Variants in CALN1 observed in about 807,000 individuals in gnomAD.
CALN1 encodes the protein calcium-binding protein 8.
In CALN1, 17 loss-of-function variants were observed where a neutral mutation model predicts 30.6. That is an observed-to-expected ratio of 0.56 (90% CI 0.38 to 0.83). The LOEUF (loss-of-function observed/expected upper bound fraction) is 0.83. Among genes scored for constraint, CALN1 ranks in the 40% least tolerant of loss-of-function variants. CALN1 has a pLI of 0.00. For synonymous variants in CALN1, 156 were observed against 131.4 expected, an observed-to-expected ratio of 1.19 and a Z score of -1.28; for missense variants, 291 against 354.9, an observed-to-expected ratio of 0.82 and a Z score of 1.45.
intron 5 of CALN1, among the ~76,000 whole-genome samples, chr7:72,001,496 T>G (rs1219587345): frequency 6.6e-6 from 1 of 152,154 alleles, no homozygotes; most frequent in Non-Finnish European, 1.5e-5. Flanking sequence ...CCACTGTGCA[T>G]GTGGACAGCC....
intron 2 of CALN1, among the ~76,000 whole-genome samples, chr7:72,321,979 A>G (rs936251613): frequency 6.6e-6 from 1 of 152,196 alleles, no homozygotes; most frequent in Admixed American, 6.6e-5. Flanking sequence ...GTTTCGTGGA[A>G]GACAGTTTTT....
intron 3 of CALN1, among the ~76,000 whole-genome samples, chr7:72,141,321 C>T (rs971443491): frequency 5.3e-5 from 8 of 151,860 alleles, no homozygotes; most frequent in Non-Finnish European, 8.8e-5. Context: ...AAAAAAAGGC[C>T]AGGTGCAGTG....
At chr7:71,984,820 T>TGTTC (rs1798578826) in intron 5 of CALN1, among the ~76,000 whole-genome samples, 1 of 152,206 alleles carries the variant, frequency 6.6e-6, no homozygotes, top group African/African-American at 2.4e-5. Flanking sequence ...TGACTCTGGC[T>TGTTC]AAGCTTATGT....
At chr7:72,472,087 C>T in the CALN1 span, among the ~76,000 whole-genome samples, 1 of 152,090 alleles carries the variant, frequency 6.6e-6, no homozygotes, top group African/African-American at 2.4e-5. Flanking sequence ...TGAGCCACTG[C>T]GCCCAGCCAA....
chr7:72,122,349 A>C (rs984164852), intron 3 of CALN1, among the ~76,000 whole-genome samples: 9 of 152,162 alleles, frequency 5.9e-5, no homozygotes, highest in African/African-American at 1.4e-4. Context: ...AGTTCCAGAA[A>C]GAAACTAGAG....
intron 2 of CALN1, among the ~76,000 whole-genome samples, chr7:72,302,809 T>G (rs1283522086): frequency 6.8e-6 from 1 of 146,032 alleles, no homozygotes; most frequent in African/African-American, 2.6e-5. Flanking sequence ...GCACGAGAAT[T>G]GCTTGAGCCC....
chr7:72,395,017 G>A (rs866297241), intron 2 of CALN1, among the ~76,000 whole-genome samples: 2 of 152,102 alleles, frequency 1.3e-5, no homozygotes, highest in Admixed American at 6.6e-5. Flanking sequence ...GCACATCTGC[G>A]TATGTGTGTC....
chr7:72,475,966 TGA>T, the CALN1 span, among the ~76,000 whole-genome samples: 1 of 130,324 alleles, frequency 7.7e-6, no homozygotes, highest in Non-Finnish European at 1.6e-5. Context: ...TTTTTTTTTT[TGA>T]GACAGAGTCT....
chr7:72,318,353 C>T (rs1009909552), intron 2 of CALN1, among the ~76,000 whole-genome samples: 2 of 152,200 alleles, frequency 1.3e-5, no homozygotes, highest in Non-Finnish European at 2.9e-5. Flanking sequence ...AGTGTCTCAA[C>T]TATTATCTCC....
intron 5 of CALN1, among the ~76,000 whole-genome samples, chr7:71,927,885 T>TC (rs1562908645): frequency 6.6e-6 from 1 of 152,140 alleles, no homozygotes; most frequent in Non-Finnish European, 1.5e-5. Flanking sequence ...TTCTTGCTCT[T>TC]CCCCCAGTGG....
intron 5 of CALN1, among the ~76,000 whole-genome samples, chr7:71,900,035 A>C (rs1361274303): frequency 6.6e-6 from 1 of 152,232 alleles, no homozygotes; most frequent in Non-Finnish European, 1.5e-5. Flanking sequence ...AACTTGCTAG[A>C]CTTGTCTACT....
chr7:71,905,758 A>G (rs1296565696), intron 5 of CALN1, among the ~76,000 whole-genome samples: 1 of 152,198 alleles, frequency 6.6e-6, no homozygotes, highest in Non-Finnish European at 1.5e-5. Context: ...CATTATAAAA[A>G]AAATCTAGGG....
chr7:72,480,447 G>T, the CALN1 span, among the ~76,000 whole-genome samples: 1 of 152,082 alleles, frequency 6.6e-6, no homozygotes, highest in East Asian at 1.9e-4. Context: ...TATACTTGCG[G>T]GATATTGGAC....
At chr7:72,145,718 C>A (rs1326224592) in intron 3 of CALN1, among the ~76,000 whole-genome samples, 2 of 152,146 alleles carry the variant, frequency 1.3e-5, no homozygotes, top group Non-Finnish European at 1.5e-5. Flanking sequence ...TGCAAAAATC[C>A]TCAATAAAAT....
intron 3 of CALN1, among the ~76,000 whole-genome samples, chr7:72,209,696 T>G (rs906420991): frequency 2.0e-5 from 3 of 152,130 alleles, no homozygotes; most frequent in African/African-American, 7.2e-5. Context: ...ACTTTGGCTA[T>G]CGGGCTCTTT....
chr7:72,380,718 T>TACAC (rs1554394767), intron 2 of CALN1, among the ~76,000 whole-genome samples: 1 of 151,516 alleles, frequency 6.6e-6, no homozygotes, highest in Non-Finnish European at 1.5e-5. Flanking sequence ...GATAGATAGA[T>TACAC]AGATACATAG....
intron 5 of CALN1, among the ~76,000 whole-genome samples, chr7:71,901,800 A>G (rs1356349057): frequency 6.6e-6 from 1 of 152,182 alleles, no homozygotes; most frequent in Non-Finnish European, 1.5e-5. Flanking sequence ...ATAAGACCCA[A>G]AACTATTTAA....
intron 5 of CALN1, among the ~76,000 whole-genome samples, chr7:71,834,040 G>C (rs1354729099): frequency 6.6e-6 from 1 of 151,820 alleles, no homozygotes; most frequent in Non-Finnish European, 1.5e-5. Flanking sequence ...TGGTCAACAT[G>C]GTGAAACCCC....
intron 3 of CALN1, among the ~76,000 whole-genome samples, chr7:72,149,197 G>A (rs375404970): frequency 3.9e-5 from 6 of 152,052 alleles, no homozygotes; most frequent in South Asian, 2.1e-4. Flanking sequence ...CAGGCACAGC[G>A]GCTCGCATCT....
Sources: gnomAD v4.1 joint callset for allele counts (sites outside exome capture counted in the v4.1 genomes callset) on GRCh38, gnomAD v4.1.1 for gene constraint, MANE v1.5 for transcripts, NCBI Gene and HGNC (gene_info 2026-07-23, HGNC 2026-07-21) for gene names.